Variants in TSPAN14 observed in about 807,000 individuals in gnomAD.
TSPAN14 encodes the protein tetraspanin-14.
A neutral mutation model predicts 36.6 loss-of-function variants in TSPAN14; 16 were observed. The observed-to-expected ratio is 0.44, with a 90% CI of 0.30 to 0.66. TSPAN14 has a LOEUF of 0.66. Among genes scored for constraint, TSPAN14 ranks in the 30% least tolerant of loss-of-function variants. The probability of loss-of-function intolerance (pLI) is 0.12; values close to 1 mark genes in which losing one functional copy is unlikely to be tolerated. For synonymous variants in TSPAN14, 139 were observed against 143.8 expected, an observed-to-expected ratio of 0.97 and a Z score of 0.24; for missense variants, 231 against 355.1, an observed-to-expected ratio of 0.65 and a Z score of 2.81.
chr10:80,500,311 ATTCTTTTTTTTTTTT>A (rs1848428910), intron 2 of TSPAN14, among the ~76,000 whole-genome samples: 3 of 53,430 alleles, frequency 5.6e-5, no homozygotes, highest in Non-Finnish European at 1.1e-4. Flanking sequence ...ACAAGGCCTT[ATTCTTTTTTTTTTTT>A]TTTTTTTTTT....
chr10:80,515,928 G>C (rs1013049450), intron 7 of TSPAN14: 1 of 446,512 alleles, frequency 2.2e-6, no homozygotes, highest in Non-Finnish European at 4.0e-6. Flanking sequence ...GGTGGGGAAG[G>C]GTATCTTGAG....
intron 3 of TSPAN14, 87 bp downstream of exon 3, chr10:80,504,865 C>T: frequency 7.1e-7 from 1 of 1,416,118 alleles, no homozygotes; most frequent in Non-Finnish European, 1.0e-6. Flanking sequence ...AATCTGTTCC[C>T]TGACAACAAG....
rs371291439 is a variant in TSPAN14 at position 80,500,689 on chromosome 10, C to T, written c.82-4039C>T. ...TAGAGCTGAGAGAAAGAGAACTGCACGCAGTGGTGGGGAGCTGGCTTCCCC... is the reference window on the plus strand; with the variant it reads ...TAGAGCTGAGAGAAAGAGAACTGCATGCAGTGGTGGGGAGCTGGCTTCCCC... On this transcript the variant is annotated intron_variant, in intron 2 of 8. Coordinates refer to ENST00000429989, the Ensembl canonical transcript of TSPAN14. Among the ~76,000 whole-genome samples, 18 of 152,268 alleles carry T rather than the reference C, an allele frequency of 1.2e-4. No homozygotes were observed. In the East Asian group the frequency reaches 1.5e-3, roughly 13 times the overall value.
At chr10:80,516,429 C>T (rs1389172170) in intron 8 of TSPAN14, 106 bp downstream of exon 8, 2 of 1,511,422 alleles carry the variant, frequency 1.3e-6, no homozygotes, top group African/African-American at 1.4e-5. Context: ...ATTAAGGAAG[C>T]TTGCAGAAGA....
intron 4 of TSPAN14, among the ~76,000 whole-genome samples, chr10:80,508,308 C>T (rs1006220329): frequency 2.6e-5 from 4 of 151,954 alleles, no homozygotes; most frequent in East Asian, 1.9e-4. Context: ...TTAGTAGAGA[C>T]GGGGTTTCAC....
chr10:80,464,910 T>G (rs1564709619), intron 1 of TSPAN14, among the ~76,000 whole-genome samples: 1 of 151,196 alleles, frequency 6.6e-6, no homozygotes, highest in African/African-American at 2.4e-5. Context: ...GGAGAGGGAG[T>G]GGTCAGTGCA....
At chr10:80,514,634 CGAG>C (rs1840834002) in intron 7 of TSPAN14, among the ~76,000 whole-genome samples, 1 of 152,098 alleles carries the variant, frequency 6.6e-6, no homozygotes, top group Non-Finnish European at 1.5e-5. Flanking sequence ...GGAGGAGTCT[CGAG>C]GAATCTTCAG....
chr10:80,476,986 G>A (rs1383985113), intron 1 of TSPAN14, among the ~76,000 whole-genome samples: 1 of 152,170 alleles, frequency 6.6e-6, no homozygotes, highest in Non-Finnish European at 1.5e-5. Context: ...CAGGTTTTCA[G>A]CAGAGTGCAG....
At chr10:80,510,795 A>G (rs1379884113) in intron 5 of TSPAN14, among the ~76,000 whole-genome samples, 1 of 151,646 alleles carries the variant, frequency 6.6e-6, no homozygotes, top group African/African-American at 2.4e-5. Context: ...AATGGTGTGA[A>G]CCCGGGAGGC....
intron 1 of TSPAN14, among the ~76,000 whole-genome samples, chr10:80,484,074 G>T (rs539039081): frequency 6.6e-6 from 1 of 151,416 alleles, no homozygotes; most frequent in Non-Finnish European, 1.5e-5. Context: ...ATGAAACCCC[G>T]TTTGTACAAA....
At chr10:80,513,666 A>G (rs1840774722) in intron 6 of TSPAN14, among the ~76,000 whole-genome samples, 1 of 152,260 alleles carries the variant, frequency 6.6e-6, no homozygotes. Context: ...AAATCAAAAG[A>G]AGAATAATAT....
chr10:80,465,018 C>A (rs1161177835), intron 1 of TSPAN14, among the ~76,000 whole-genome samples: 11 of 152,142 alleles, frequency 7.2e-5, no homozygotes, highest in Non-Finnish European at 1.2e-4. Flanking sequence ...TTCTCAGATT[C>A]TAGTTTCTGC....
intron 1 of TSPAN14, among the ~76,000 whole-genome samples, chr10:80,478,769 C>T (rs1478268994): frequency 6.6e-6 from 1 of 152,178 alleles, no homozygotes; most frequent in African/African-American, 2.4e-5. Context: ...ATCCTGTAAT[C>T]CCAGCACTTT....
chr10:80,466,984 G>T (rs1846283189), intron 1 of TSPAN14, among the ~76,000 whole-genome samples: 1 of 152,204 alleles, frequency 6.6e-6, no homozygotes, highest in Admixed American at 6.5e-5. Flanking sequence ...CAAAAATTTA[G>T]AGTCAGCAGA....
chr10:80,520,884 C>G, exon 9 of TSPAN14: 1 of 517,080 alleles, frequency 1.9e-6, no homozygotes, highest in Non-Finnish European at 4.0e-6. Flanking sequence ...GGCCCAGGCT[C>G]GCCAGTTCTC....
chr10:80,468,328 G>C (rs896706393), intron 1 of TSPAN14, among the ~76,000 whole-genome samples: 4 of 152,144 alleles, frequency 2.6e-5, no homozygotes, highest in Non-Finnish European at 5.9e-5. Context: ...GGAAGAGGCA[G>C]GTCTCTATCA....
chr10:80,497,357 T>C (rs1209352889), intron 2 of TSPAN14, among the ~76,000 whole-genome samples: 3 of 152,216 alleles, frequency 2.0e-5, no homozygotes, highest in Non-Finnish European at 4.4e-5. Context: ...TTTCAGACTA[T>C]GGCTTGCAGG....
chr10:80,489,259 C>A, exon 2 of TSPAN14: 1 of 1,585,686 alleles, frequency 6.3e-7, no homozygotes. Context: ...TACTCTAACG[C>A]CAAGGTCAGC....
chr10:80,517,912 G>A, exon 9 of TSPAN14: 2 of 1,564,374 alleles, frequency 1.3e-6, no homozygotes, highest in Non-Finnish European at 1.7e-6. Context: ...CAGATATTTG[G>A]CATCTTCCTG....
Sources: gnomAD v4.1 joint callset for allele counts (sites outside exome capture counted in the v4.1 genomes callset) on GRCh38, gnomAD v4.1.1 for gene constraint, MANE v1.5 for transcripts, NCBI Gene and HGNC (gene_info 2026-07-23, HGNC 2026-07-21) for gene names.